ADRA1B: variants seen among roughly 807,000 people sequenced by gnomAD.
ADRA1B encodes the protein adrenoceptor alpha 1B, also known as alpha-1B adrenergic receptor.
Under a neutral mutation model 17.9 loss-of-function variants are expected in ADRA1B, and 17 were observed. The ratio of observed to expected loss-of-function variants is 0.95; its 90% CI spans 0.65 to 1.42. The LOEUF is 1.42. ADRA1B is among the 40% of genes most tolerant of loss of function. The pLI, the probability that ADRA1B is intolerant of heterozygous loss-of-function variation, is 0.00. For synonymous variants in ADRA1B, 366 were observed against 327.6 expected (o/e 1.12, Z -1.27); for missense variants, 681 against 722.1 (o/e 0.94, Z 0.65).
intron 1 of ADRA1B, among the ~76,000 whole-genome samples, chr5:159,934,899 C>G (rs1173415433): frequency 1.3e-5 from 2 of 151,634 alleles, no homozygotes; most frequent in Non-Finnish European, 2.9e-5. Context: ...TCAGTTAACT[C>G]ATCTGTAAAA....
chr5:159,869,582 C>T (rs1753708790), intron 1 of ADRA1B: 1 of 152,210 alleles, frequency 6.6e-6, no homozygotes, highest in Non-Finnish European at 1.5e-5. Flanking sequence ...GACATGTTTG[C>T]ACTGGCTAGG....
chr5:159,981,582 G>A, the ADRA1B span, among the ~76,000 whole-genome samples: 2 of 152,074 alleles, frequency 1.3e-5, no homozygotes, highest in African/African-American at 2.4e-5. Flanking sequence ...TGCAGGCTCC[G>A]CCTTCCAGGT....
intron 1 of ADRA1B, among the ~76,000 whole-genome samples, chr5:159,920,904 A>AC: frequency 6.6e-6 from 1 of 152,210 alleles, no homozygotes; most frequent in South Asian, 2.1e-4. Flanking sequence ...GTGGGGGAGG[A>AC]CTGTGTTTGG....
chr5:159,929,918 G>A (rs1296891298), intron 1 of ADRA1B, among the ~76,000 whole-genome samples: 1 of 152,156 alleles, frequency 6.6e-6, no homozygotes, highest in Non-Finnish European at 1.5e-5. Flanking sequence ...ATGTTTGAGT[G>A]TTTTTGCATG....
chr5:159,918,203 G>C (rs544615238), intron 1 of ADRA1B, among the ~76,000 whole-genome samples: 1 of 152,126 alleles, frequency 6.6e-6, no homozygotes, highest in Non-Finnish European at 1.5e-5. Flanking sequence ...ATGATGTGTC[G>C]GCTAAGGCAG....
At chr5:159,907,619 T>C (rs1037296963) in intron 1 of ADRA1B, among the ~76,000 whole-genome samples, 2 of 152,248 alleles carry the variant, frequency 1.3e-5, no homozygotes, top group African/African-American at 4.8e-5. Flanking sequence ...AAATCTTTTG[T>C]GTGTTTTTAA....
intron 1 of ADRA1B, among the ~76,000 whole-genome samples, chr5:159,965,694 A>C (rs1259871506): frequency 1.3e-5 from 2 of 151,984 alleles, no homozygotes; most frequent in Admixed American, 1.3e-4. Context: ...GGGTCGAAAA[A>C]TTTGTGGCAT....
intron 1 of ADRA1B, among the ~76,000 whole-genome samples, chr5:159,880,296 A>G (rs1408432245): frequency 6.6e-6 from 1 of 152,226 alleles, no homozygotes; most frequent in African/African-American, 2.4e-5. Context: ...AGAGAAGAGT[A>G]AAGGAAACAT....
intron 1 of ADRA1B, among the ~76,000 whole-genome samples, chr5:159,876,588 G>A (rs79417431): frequency 6.6e-6 from 1 of 152,170 alleles, no homozygotes; most frequent in Admixed American, 6.5e-5. Context: ...CAGCAGAGGG[G>A]GGTCCATCTT....
chr5:159,931,358 C>T (rs1754798518), intron 1 of ADRA1B, among the ~76,000 whole-genome samples: 1 of 150,050 alleles, frequency 6.7e-6, no homozygotes, highest in Non-Finnish European at 1.5e-5. Flanking sequence ...CACACTACTG[C>T]ACTCAAGCCT....
intron 1 of ADRA1B, chr5:159,947,672 G>C: frequency 1.0e-6 from 1 of 983,346 alleles, no homozygotes; most frequent in Non-Finnish European, 1.2e-6. Context: ...ACCTGGCTAT[G>C]ACTTTGCTTC....
At chr5:159,911,670 A>G (rs1286671453), upstream of ADRA1B, among the ~76,000 whole-genome samples, 1 of 152,166 alleles carries the variant, frequency 6.6e-6, no homozygotes, top group Non-Finnish European at 1.5e-5. Flanking sequence ...TCCTACCCAG[A>G]GGGAGCTGAA....
intron 1 of ADRA1B, among the ~76,000 whole-genome samples, chr5:159,886,880 C>T (rs1753931138): frequency 1.3e-5 from 2 of 152,020 alleles, no homozygotes; most frequent in South Asian, 4.2e-4. Flanking sequence ...TATATACATA[C>T]ATATACATAT....
chr5:159,920,903 G>T (rs1183582127), intron 1 of ADRA1B, among the ~76,000 whole-genome samples: 1 of 152,188 alleles, frequency 6.6e-6, no homozygotes, highest in Admixed American at 6.5e-5. Context: ...TGTGGGGGAG[G>T]ACTGTGTTTG....
intron 1 of ADRA1B, chr5:159,950,461 A>G: frequency 8.6e-7 from 1 of 1,163,392 alleles, no homozygotes; most frequent in East Asian, 2.4e-5. Flanking sequence ...GCTTCCTCTC[A>G]TGCTCTCACT....
chr5:159,877,781 T>C (rs1753818421), intron 1 of ADRA1B, among the ~76,000 whole-genome samples: 1 of 152,208 alleles, frequency 6.6e-6, no homozygotes, highest in African/African-American at 2.4e-5. Flanking sequence ...TGCCCAGGGC[T>C]GCTCAGTTCA....
chr5:159,903,691 G>C (rs1267941473), intron 1 of ADRA1B, among the ~76,000 whole-genome samples: 1 of 152,156 alleles, frequency 6.6e-6, no homozygotes, highest in Non-Finnish European at 1.5e-5. Flanking sequence ...CACCCAGACA[G>C]GCTCTCTTAC....
chr5:159,876,081 C>A (rs1753799048), intron 1 of ADRA1B, among the ~76,000 whole-genome samples: 1 of 152,092 alleles, frequency 6.6e-6, no homozygotes, highest in African/African-American at 2.4e-5. Context: ...CCCAGCTACT[C>A]ACGAGGCTGA....
At chr5:159,901,282 C>G (rs528796708) in intron 1 of ADRA1B, among the ~76,000 whole-genome samples, 1 of 151,212 alleles carries the variant, frequency 6.6e-6, no homozygotes, top group East Asian at 2.0e-4. Context: ...GGAGAAGTGA[C>G]GGGTCTTGTC....
Sources: allele counts gnomAD v4.1 joint callset (sites outside exome capture counted in the v4.1 genomes callset), GRCh38; gene constraint gnomAD v4.1.1; transcripts MANE v1.5; gene names NCBI Gene and HGNC (gene_info 2026-07-23, HGNC 2026-07-21).